NDE1: variants seen among roughly 807,000 people sequenced by gnomAD.
The protein encoded by NDE1 is nudE neurodevelopment protein 1, also known as nuclear distribution protein nudE homolog 1.
NDE1 carries 28 observed loss-of-function variants against 43.4 expected under a neutral mutation model. The observed-to-expected ratio is 0.65, with a 90% CI of 0.48 to 0.89. The LOEUF (loss-of-function observed/expected upper bound fraction) is 0.89. Among genes scored for constraint, NDE1 ranks in the 40% least tolerant of loss-of-function variants. The pLI is 0.00. For missense variants in NDE1, 441 were observed against 434.1 expected, an observed-to-expected ratio of 1.02 and a Z score of -0.14; for synonymous variants, 184 against 172.0, an observed-to-expected ratio of 1.07 and a Z score of -0.55.
intron 8 of NDE1, chr16:15,720,227 A>G (rs2040394321): frequency 1.9e-6 from 3 of 1,614,036 alleles, no homozygotes; most frequent in Non-Finnish European, 2.5e-6. Flanking sequence ...CAGGTCTTTC[A>G]GGTCCCCTTC....
intron 2 of NDE1, among the ~76,000 whole-genome samples, chr16:15,667,037 G>A (rs1596564310): frequency 6.6e-6 from 1 of 152,174 alleles, no homozygotes; most frequent in East Asian, 1.9e-4. Flanking sequence ...CCTCCAGTCA[G>A]GAGATCGAGA....
chr16:15,675,011 GT>G (rs1272121423), intron 3 of NDE1, among the ~76,000 whole-genome samples: 3 of 152,084 alleles, frequency 2.0e-5, no homozygotes, highest in Non-Finnish European at 4.4e-5. Context: ...GCTTTCTTTG[GT>G]TGTGGACACC....
In NDE1 at chr16:15,724,349, C is replaced by G. The variant is rs143620567; in HGVS notation, c.*98C>G. On this transcript the variant is annotated 3_prime_UTR_variant, in exon 9 of 9. Coordinates refer to ENST00000396354, the MANE Select transcript of NDE1 (RefSeq NM_017668.3). ...ATCTCCTTCTGGAACCTCTTCTTCC[C>G]CTCTTCCAGAGCTTCCACGGTGCTG... is the stretch of plus-strand genomic sequence containing the variant. 9.5e-5 allele frequency: 154 copies of G among 1,614,132 alleles called. No homozygotes were observed. The African/African-American group carries it at 1.9e-3, about 20-fold the overall frequency.
intron 1 of NDE1, among the ~76,000 whole-genome samples, chr16:15,656,595 C>T (rs781427527): frequency 6.6e-6 from 1 of 151,966 alleles, no homozygotes; most frequent in Non-Finnish European, 1.5e-5. Flanking sequence ...GGCTGGAGTG[C>T]AGTGGCAGGA....
intron 3 of NDE1, among the ~76,000 whole-genome samples, chr16:15,675,360 A>G (rs966569421): frequency 6.6e-6 from 1 of 150,852 alleles, no homozygotes; most frequent in African/African-American, 2.4e-5. Context: ...CACCAGGCCC[A>G]GCTAATTTTT....
intron 3 of NDE1, among the ~76,000 whole-genome samples, chr16:15,671,373 G>T (rs1052629548): frequency 2.0e-5 from 3 of 152,100 alleles, no homozygotes; most frequent in African/African-American, 7.2e-5. Flanking sequence ...CATTGGACAT[G>T]GTAGTGCACA....
At chr16:15,645,779 G>A (rs1322070626), upstream of NDE1, among the ~76,000 whole-genome samples, 1 of 152,148 alleles carries the variant, frequency 6.6e-6, no homozygotes, top group Admixed American at 6.6e-5. Context: ...AAAACCGAAA[G>A]ACTTTTTTGT....
In NDE1 at chr16:15,720,860, C is replaced by T. The variant is rs11648119; in HGVS notation, c.948-3331C>T. ...GCACCTGTCTCTGCAGTTGCCTCCT[C>T]TTCTCCTCATTCTGCTCGTCCCGGG... On this transcript the variant is annotated intron_variant, in intron 8 of 8. Coordinates refer to ENST00000396354, the MANE Select transcript of NDE1 (RefSeq NM_017668.3). 28,841 of 1,613,842 alleles carry T rather than the reference C, an allele frequency of 0.018. 357 individuals carry two copies. Among genetic ancestry groups the T allele is most frequent in the Non-Finnish European group, 0.021 (25,193 of 1,180,024 alleles).
chr16:15,689,435 T>C (rs1193307015), intron 5 of NDE1, among the ~76,000 whole-genome samples: 2 of 152,150 alleles, frequency 1.3e-5, no homozygotes, highest in Non-Finnish European at 2.9e-5. Context: ...AAGGTTACAT[T>C]GAGCTATGAT....
chr16:15,719,759 C>T lies in NDE1; in HGVS notation c.948-4432C>T, dbSNP rs1286996283. 2.5e-6 allele frequency: 4 copies of T among 1,613,094 alleles called. No individual in the cohort carries two copies. The Admixed American group carries it at 5.0e-5, about 20-fold the overall frequency. The stretch of plus-strand genomic sequence containing the variant: ...GACAAGCTCAGATGTCCTTACTCCC[C>T]CAAGTTCTGCTGCCCAGTTCAGCTT... On this transcript the variant is annotated intron_variant, in intron 8 of 8. Transcript: ENST00000396354.
At chr16:15,714,281 C>T (rs780404111) in intron 8 of NDE1, 4 of 155,680 alleles carry the variant, frequency 2.6e-5, no homozygotes, top group East Asian at 1.9e-4. Flanking sequence ...GAATTCTCAG[C>T]GGGGTGGCAG....
chr16:15,673,837 A>C (rs1344918407), intron 3 of NDE1, among the ~76,000 whole-genome samples: 2 of 152,196 alleles, frequency 1.3e-5, no homozygotes, highest in African/African-American at 4.8e-5. Context: ...ATTTGGAAGC[A>C]GAGCAGGAAT....
At chr16:15,706,274 TTTTC>T (rs1259016923) in intron 8 of NDE1, among the ~76,000 whole-genome samples, 1 of 152,130 alleles carries the variant, frequency 6.6e-6, no homozygotes, top group Admixed American at 6.6e-5. Context: ...CCTTAAGTCT[TTTTC>T]TTTTTTAGCA....
At chr16:15,658,575 AC>A (rs1451242630) in intron 1 of NDE1, among the ~76,000 whole-genome samples, 2 of 152,266 alleles carry the variant, frequency 1.3e-5, no homozygotes, top group East Asian at 3.8e-4. Context: ...TTGTGCTGTC[AC>A]AGAAGATGGA....
At chr16:15,713,670 T>A (rs1429676386) in intron 8 of NDE1, 1 of 152,088 alleles carries the variant, frequency 6.6e-6, no homozygotes, top group Middle Eastern at 3.2e-3. Context: ...TGATTTTTGT[T>A]TGTTTGTTGT....
At chr16:15,713,080 G>A (rs2039911697) in intron 8 of NDE1, 1 of 151,776 alleles carries the variant, frequency 6.6e-6, no homozygotes, top group Admixed American at 6.6e-5. Flanking sequence ...TGTAGTAAGG[G>A]TAGCAAGGTA....
chr16:15,720,195 T>C (rs2040392259), intron 8 of NDE1: 2 of 1,614,156 alleles, frequency 1.2e-6, no homozygotes, highest in South Asian at 2.2e-5. Flanking sequence ...CTCCCCTTGA[T>C]GGCAGAGTCG....
chr16:15,643,735 C>T (rs1045031275), exon 1 of NDE1: 1 of 213,272 alleles, frequency 4.7e-6, no homozygotes, highest in South Asian at 5.4e-5. Flanking sequence ...CCGGAGTTCT[C>T]GCAAAGTTGC....
chr16:15,699,669 G>T lies in NDE1; in HGVS notation c.947+2809G>T, dbSNP rs878955105. 29 of 1,313,526 alleles carry T rather than the reference G, an allele frequency of 2.2e-5. No homozygotes were observed. In the Admixed American group the frequency reaches 6.1e-4, roughly 28 times the overall value. The allele number at this position is 1,313,526 out of a possible 1,614,324, so 81.4% of individuals were successfully genotyped here. On this transcript the variant is annotated intron_variant, in intron 8 of 8. Coordinates refer to ENST00000396354, the MANE Select transcript of NDE1 (RefSeq NM_017668.3). ...TCACCCTTATAACTCTCTGGGCCCC[G>T]GTGCTAGCCAGTTTGTCACAGCTGT... is the stretch of plus-strand genomic sequence containing the variant.
Sources: gnomAD v4.1 joint callset for allele counts (sites outside exome capture counted in the v4.1 genomes callset) on GRCh38, gnomAD v4.1.1 for gene constraint, MANE v1.5 for transcripts, NCBI Gene and HGNC (gene_info 2026-07-23, HGNC 2026-07-21) for gene names.